Variants in TRIM14 observed in about 807,000 individuals in gnomAD.
TRIM14 encodes tripartite motif-containing protein 14.
TRIM14 carries 28 observed loss-of-function variants against 44.5 expected under a neutral mutation model. That is an observed-to-expected ratio of 0.63 (90% confidence interval 0.47 to 0.86). The LOEUF is 0.86. Among genes scored for constraint, TRIM14 ranks in the 40% least tolerant of loss-of-function variants. The probability of loss-of-function intolerance (pLI) is 0.00; values close to 1 mark genes in which losing one functional copy is unlikely to be tolerated. For synonymous variants in TRIM14, 299 were observed against 269.2 expected (o/e 1.11, Z -1.08); for missense variants, 607 against 611.1 (o/e 0.99, Z 0.07).
the TRIM14 span, among the ~76,000 whole-genome samples, chr9:98,046,834 A>T: frequency 2.6e-5 from 4 of 152,248 alleles, no homozygotes; most frequent in African/African-American, 9.6e-5. Flanking sequence ...ATTAAAAAAA[A>T]TTAAATCTGC....
the TRIM14 span, among the ~76,000 whole-genome samples, chr9:98,055,929 G>T: frequency 6.6e-6 from 1 of 151,756 alleles, no homozygotes; most frequent in Admixed American, 6.6e-5. Flanking sequence ...TAGTAGAGAC[G>T]GGGTTTCTCC....
At position 98,087,774 on chromosome 9, in the gene TRIM14, G is replaced by C. The variant is rs1041029069; in HGVS notation, c.1025C>G (p.Ala342Gly). The change falls in exon 6 of 6, where the codon GCC becomes GGC. Residue 342 changes from alanine to glycine, a missense_variant. Around this residue, in one of 3 missense-constraint regions of TRIM14, gnomAD observed 356 missense variants for 323.0 expected, o/e 1.10. Coordinates refer to ENST00000341469, the MANE Select transcript of TRIM14 (RefSeq NM_014788.4). ...GAGWWVGAAY[A>G]SLRRRGASAA... ...CGAGGCCCCGCGGCGCCGAAGGGAG[G>C]CGTAGGCCGCGCCCACCCACCAGCC... 4 of 1,512,946 alleles carry C rather than the reference G, an allele frequency of 2.6e-6. No homozygotes were observed. Among genetic ancestry groups the C allele is most frequent in the African/African-American group, 1.4e-5 (1 of 69,902 alleles). 93.7% of individuals were successfully genotyped at this position (1,512,946 alleles called of 1,614,324 possible). A position where few individuals can be genotyped will look rare whatever the true frequency, so the allele number is the denominator to read the frequency against.
At chr9:98,100,212 A>T in intron 2 of TRIM14, 48 bp from the exon 3 acceptor site, 1 of 1,516,746 alleles carries the variant, frequency 6.6e-7, no homozygotes, top group Non-Finnish European at 9.1e-7. Context: ...CCAACCAGGA[A>T]ATCCAGAATA....
intron 1 of TRIM14, among the ~76,000 whole-genome samples, chr9:98,116,672 A>G (rs1162155633): frequency 1.3e-5 from 2 of 151,876 alleles, no homozygotes; most frequent in Admixed American, 6.6e-5. Flanking sequence ...CCCCGTCTCT[A>G]CAAAAAAAAT....
chr9:98,038,202 C>T, the TRIM14 span, among the ~76,000 whole-genome samples: 8 of 152,056 alleles, frequency 5.3e-5, no homozygotes, highest in African/African-American at 1.2e-4. Context: ...AGGCACGAGC[C>T]ACCATGTCCA....
intron 6 of TRIM14, among the ~76,000 whole-genome samples, chr9:98,069,856 G>A (rs1829260465): frequency 6.6e-6 from 1 of 152,164 alleles, no homozygotes; most frequent in Non-Finnish European, 1.5e-5. Context: ...GTCTGTGCAT[G>A]GGGTAAAATT....
At chr9:98,056,988 G>A in the TRIM14 span, 4 of 1,516,728 alleles carry the variant, frequency 2.6e-6, no homozygotes, top group South Asian at 1.3e-5. Context: ...CGGGAGGGGC[G>A]GGGCGGGGCC....
chr9:98,061,046 C>T, the TRIM14 span: 1 of 1,583,836 alleles, frequency 6.3e-7, no homozygotes, highest in East Asian at 2.2e-5. Flanking sequence ...GACCAAGGGT[C>T]AGCAGGCAGC....
At chr9:98,054,748 A>G in the TRIM14 span, among the ~76,000 whole-genome samples, 1 of 152,218 alleles carries the variant, frequency 6.6e-6, no homozygotes, top group Non-Finnish European at 1.5e-5. Context: ...GTCCAAAACT[A>G]GGTGGCCGCT....
downstream of TRIM14, among the ~76,000 whole-genome samples, chr9:98,079,614 T>C (rs1388223246): frequency 2.0e-5 from 3 of 152,232 alleles, no homozygotes; most frequent in Non-Finnish European, 2.9e-5. Flanking sequence ...CTGTGAAATA[T>C]GTAATGTCGA....
At chr9:98,098,692 A>G (rs975700248) in intron 3 of TRIM14, among the ~76,000 whole-genome samples, 10 of 152,070 alleles carry the variant, frequency 6.6e-5, no homozygotes, top group Non-Finnish European at 1.2e-4. Context: ...CGACAGAGCA[A>G]GACTCCGTCT....
rs1289718636 is a variant in TRIM14, at chr9:98,095,421, G to A, written c.538-392C>T. On this transcript the variant is annotated intron_variant, in intron 3 of 5. Transcript: ENST00000341469. The surrounding 1 kb of genome is among the most constrained non-coding windows in gnomAD (Gnocchi z 4.1). ...ACACTGCGCCACGGGTCTGCCTTGG[G>A]TACAAAAAGGGTGAGAGGTCAGTCT... is the stretch of plus-strand genomic sequence containing the variant. Among the ~76,000 whole-genome samples the A allele has an allele frequency of 6.6e-6, 1 of 152,190 alleles. No individual in the cohort carries two copies. The highest frequency in any genetic ancestry group is 1.5e-5 in the Non-Finnish European group (1 of 68,026).
chr9:98,059,323 G>T, the TRIM14 span, among the ~76,000 whole-genome samples: 1 of 152,148 alleles, frequency 6.6e-6, no homozygotes, highest in Non-Finnish European at 1.5e-5. Flanking sequence ...GCGCCCGGCA[G>T]CCAAGAAGTT....
chr9:98,098,296 C>T (rs1358593428), intron 3 of TRIM14, among the ~76,000 whole-genome samples: 1 of 152,176 alleles, frequency 6.6e-6, no homozygotes, highest in Non-Finnish European at 1.5e-5. Context: ...TGGCTCTGAA[C>T]TTCCCAAGGC....
chr9:98,050,690 T>C, the TRIM14 span, among the ~76,000 whole-genome samples: 3 of 152,160 alleles, frequency 2.0e-5, no homozygotes, highest in Non-Finnish European at 2.9e-5. Context: ...TGACCAAAAC[T>C]TAGGGCCTTA....
chr9:98,082,527 T>TAA (rs141620954), downstream of TRIM14, among the ~76,000 whole-genome samples: 701 of 152,368 alleles, frequency 4.6e-3, 6 homozygotes, highest in African/African-American at 0.016. Context: ...TCTGACAGGA[T>TAA]AAGTTTCCAT....
chr9:98,078,529 G>T (rs1318995816), intron 6 of TRIM14, among the ~76,000 whole-genome samples: 1 of 152,060 alleles, frequency 6.6e-6, no homozygotes, highest in Non-Finnish European at 1.5e-5. Flanking sequence ...ATTCTAAAGA[G>T]GGTGACTGTA....
rs1466605515 is a variant in TRIM14 at position 98,084,883 on chromosome 9, T to A, written c.*2587A>T. On this transcript the variant is annotated 3_prime_UTR_variant, in exon 6 of 6. Transcript: ENST00000341469. ...TTAAGGCAAGTTTATAACCTTTGGC[T>A]CATTTGAGCCTCACAGCACTTGGTA... The A allele has an allele frequency of 6.6e-6, 1 of 152,162 alleles. No individual in the cohort carries two copies. The highest frequency in any genetic ancestry group is 1.5e-5 in the Non-Finnish European group (1 of 68,036). 9.4% of individuals were successfully genotyped at this position (152,162 alleles called of 1,614,324 possible).
At chr9:98,116,769 G>A (rs1413509994) in intron 1 of TRIM14, among the ~76,000 whole-genome samples, 1 of 151,614 alleles carries the variant, frequency 6.6e-6, no homozygotes, top group East Asian at 1.9e-4. Context: ...GCTTGACCCT[G>A]GGAGGTGGAG....
Sources: gnomAD v4.1 joint callset for allele counts (sites outside exome capture counted in the v4.1 genomes callset) on GRCh38, gnomAD v4.1.1 for gene constraint, gnomAD v4.1.1 regional missense constraint, Gnocchi (gnomAD v3.1) non-coding constraint, MANE v1.5 for transcripts, NCBI Gene and HGNC (gene_info 2026-07-23, HGNC 2026-07-21) for gene names.